TRPS1: variants seen among roughly 807,000 people sequenced by gnomAD.
TRPS1 encodes the protein transcriptional repressor GATA binding 1, also known as zinc finger transcription factor Trps1.
A neutral mutation model predicts 101.2 loss-of-function variants in TRPS1; 6 were observed. The ratio of observed to expected loss-of-function variants is 0.06; its 90% CI spans 0.03 to 0.12. TRPS1 has a LOEUF of 0.12. Ranked by LOEUF, TRPS1 falls within the 10% of genes least tolerant of loss-of-function variation. The pLI, the probability that TRPS1 is intolerant of heterozygous loss-of-function variation, is 1.00. For missense variants in TRPS1, 1,363 were observed against 1,567.0 expected (o/e 0.87, Z 2.20); for synonymous variants, 578 against 589.8 (o/e 0.98, Z 0.29).
intron 5 of TRPS1, among the ~76,000 whole-genome samples, chr8:115,452,965 C>A (rs1452226487): frequency 6.6e-6 from 1 of 152,054 alleles, no homozygotes; most frequent in Non-Finnish European, 1.5e-5. Context: ...ATCAAAAAAG[C>A]TCAGTGAGCA....
chr8:115,490,455 T>C (rs1463608334), intron 5 of TRPS1, among the ~76,000 whole-genome samples: 1 of 152,206 alleles, frequency 6.6e-6, no homozygotes, highest in Non-Finnish European at 1.5e-5. Flanking sequence ...CATGTAATTT[T>C]GCATGCTTGC....
intron 4 of TRPS1, among the ~76,000 whole-genome samples, chr8:115,597,188 G>C (rs918559267): frequency 6.6e-6 from 1 of 151,906 alleles, no homozygotes; most frequent in Non-Finnish European, 1.5e-5. Flanking sequence ...AAATTATGTA[G>C]TCACTGGGAA....
At chr8:115,627,376 C>T (rs1818532975) in intron 1 of TRPS1, among the ~76,000 whole-genome samples, 1 of 151,754 alleles carries the variant, frequency 6.6e-6, no homozygotes, top group East Asian at 1.9e-4. Flanking sequence ...TGTTGATTCA[C>T]ATAGGCCAAT....
rs1222620332 is a variant in TRPS1 at position 115,553,583 on chromosome 8, T to C, written c.2700+33418A>G. Among the ~76,000 whole-genome samples, 4 of 152,140 alleles carry C rather than the reference T, an allele frequency of 2.6e-5. No individual in the cohort carries two copies. In the East Asian group the frequency reaches 7.7e-4, roughly 29 times the overall value. The stretch of plus-strand genomic sequence containing the variant: ...TACAATATTCTATTTTCCTCTTTGA[T>C]ATGAAGGTAGCTTTGATAAGTAAGT... On this transcript the variant is annotated intron_variant, in intron 5 of 6. Transcript: ENST00000395715.
intron 5 of TRPS1, among the ~76,000 whole-genome samples, chr8:115,463,602 A>G (rs1207512723): frequency 6.6e-6 from 1 of 152,200 alleles, no homozygotes; most frequent in East Asian, 1.9e-4. Context: ...TGACCGGTCA[A>G]CATGGAAACC....
chr8:115,569,722 G>A (rs1275149472), intron 5 of TRPS1, among the ~76,000 whole-genome samples: 1 of 151,944 alleles, frequency 6.6e-6, no homozygotes, highest in African/African-American at 2.4e-5. Context: ...TGGTTATCTT[G>A]AGCCCAGTAT....
intron 6 of TRPS1, among the ~76,000 whole-genome samples, chr8:115,415,600 T>C (rs1812899365): frequency 6.6e-6 from 1 of 152,020 alleles, no homozygotes; most frequent in Admixed American, 6.6e-5. Flanking sequence ...TAGTAGGAAA[T>C]TAAAGTTAAA....
intron 5 of TRPS1, among the ~76,000 whole-genome samples, chr8:115,582,623 G>C (rs572850578): frequency 8.5e-5 from 13 of 152,220 alleles, no homozygotes; most frequent in Admixed American, 5.9e-4. Context: ...CTCTCCAAGC[G>C]ACAGATGAAC....
chr8:115,578,874 G>A (rs1010622472), intron 5 of TRPS1, among the ~76,000 whole-genome samples: 11 of 151,988 alleles, frequency 7.2e-5, no homozygotes, highest in African/African-American at 2.4e-4. Context: ...ACATAAAAAC[G>A]TGTATGCTTA....
chr8:115,654,440 T>C (rs1811634506), intron 1 of TRPS1, among the ~76,000 whole-genome samples: 1 of 152,186 alleles, frequency 6.6e-6, no homozygotes, highest in South Asian at 2.1e-4. Context: ...TCCAGCCAGA[T>C]TTTAATAACT....
At chr8:115,616,363 G>A (rs7001045) in intron 3 of TRPS1, among the ~76,000 whole-genome samples, 61 of 152,134 alleles carry the variant, frequency 4.0e-4, no homozygotes, top group African/African-American at 1.2e-3. Context: ...CACTTAAACC[G>A]GGAAATCTTC....
intron 5 of TRPS1, among the ~76,000 whole-genome samples, chr8:115,533,447 T>TTGTTTTTTG (rs1285257421): frequency 7.6e-6 from 1 of 131,444 alleles, no homozygotes; most frequent in African/African-American, 3.1e-5. Context: ...TTTTTTTTTT[T>TTGTTTTTTG]TTTTTTTTTT....
At chr8:115,596,129 G>A (rs1817779237) in intron 4 of TRPS1, among the ~76,000 whole-genome samples, 2 of 151,882 alleles carry the variant, frequency 1.3e-5, no homozygotes, top group Admixed American at 1.3e-4. Flanking sequence ...TTTTACGTCT[G>A]GAAGTTGCAA....
chr8:115,419,887 C>A (rs79858149), intron 5 of TRPS1, among the ~76,000 whole-genome samples: 1 of 152,112 alleles, frequency 6.6e-6, no homozygotes, highest in South Asian at 2.1e-4. Context: ...CTCTAACATT[C>A]GACATCCTCC....
intron 5 of TRPS1, among the ~76,000 whole-genome samples, chr8:115,464,627 GAAACATGTTTTCCTTTTGTTT>G (rs1192010700): frequency 6.6e-6 from 1 of 152,036 alleles, no homozygotes; most frequent in Non-Finnish European, 1.5e-5. Flanking sequence ...ATAAAATGTT[GAAACATGTTTTCCTTTTGTTT>G]TACTTTACTC....
chr8:115,489,536 T>A (rs1407331720), intron 5 of TRPS1, among the ~76,000 whole-genome samples: 1 of 152,172 alleles, frequency 6.6e-6, no homozygotes, highest in Non-Finnish European at 1.5e-5. Flanking sequence ...TTTTTAAACA[T>A]TAATTAAAGA....
chr8:115,584,789 A>C (rs1817528481), intron 5 of TRPS1, among the ~76,000 whole-genome samples: 2 of 152,102 alleles, frequency 1.3e-5, no homozygotes, highest in African/African-American at 4.8e-5. Context: ...TAAAAAGCTC[A>C]TCATCTAAGA....
intron 5 of TRPS1, among the ~76,000 whole-genome samples, chr8:115,573,607 G>A (rs1817253997): frequency 6.6e-6 from 1 of 152,062 alleles, no homozygotes; most frequent in African/African-American, 2.4e-5. Flanking sequence ...TCCTTTCCAT[G>A]TCAACCTATG....
chr8:115,513,186 T>C (rs2130192760), intron 5 of TRPS1, among the ~76,000 whole-genome samples: 1 of 151,934 alleles, frequency 6.6e-6, no homozygotes, highest in South Asian at 2.1e-4. Context: ...GTAAATATAA[T>C]GTAACTAACA....
Sources: allele counts gnomAD v4.1 joint callset (sites outside exome capture counted in the v4.1 genomes callset), GRCh38; gene constraint gnomAD v4.1.1; transcripts MANE v1.5; gene names NCBI Gene and HGNC (gene_info 2026-07-23, HGNC 2026-07-21).